Variants in OR51E2 observed in about 807,000 individuals in gnomAD.
The protein encoded by OR51E2 is olfactory receptor family 51 subfamily E member 2, also known as olfactory receptor 51E2.
A neutral mutation model predicts 13.7 loss-of-function variants in OR51E2; 14 were observed. That is an observed-to-expected ratio of 1.02 (90% CI 0.68 to 1.60). The LOEUF (loss-of-function observed/expected upper bound fraction) is 1.60, where lower values mean the gene tolerates loss of function less well. Among genes scored for constraint, OR51E2 ranks in the 40% most tolerant of loss-of-function variants. The pLI is 0.00. For missense variants in OR51E2, 483 were observed against 413.8 expected (o/e 1.17, Z -1.45); for synonymous variants, 180 against 157.6 (o/e 1.14, Z -1.07).
chr11:4,691,323 G>T (rs1396643299), intron 1 of OR51E2: 1 of 457,528 alleles, frequency 2.2e-6, no homozygotes, highest in Non-Finnish European at 4.4e-6. Flanking sequence ...ATTAGAGACG[G>T]CCACAAAACG....
chr11:4,694,109 C>T (rs1319055073), intron 1 of OR51E2, among the ~76,000 whole-genome samples: 33 of 152,172 alleles, frequency 2.2e-4, no homozygotes, highest in Admixed American at 2.1e-3. Flanking sequence ...AATTAAATTG[C>T]TATTTGAATA....
chr11:4,684,734 G>A (rs774298333), intron 1 of OR51E2, among the ~76,000 whole-genome samples: 6 of 152,012 alleles, frequency 3.9e-5, no homozygotes, highest in Non-Finnish European at 7.4e-5. Flanking sequence ...AGGACTTTAG[G>A]CTATCATCTC....
chr11:4,693,449 C>T (rs371383010), intron 1 of OR51E2, among the ~76,000 whole-genome samples: 7 of 152,262 alleles, frequency 4.6e-5, no homozygotes, highest in East Asian at 3.9e-4. Context: ...AGGCTGGGCG[C>T]GGTGGCTCAC....
rs1339130264 is a variant in OR51E2, at chr11:4,680,911, T to C, written c.*838A>G. On this transcript the variant is annotated 3_prime_UTR_variant, in exon 2 of 2. Coordinates refer to ENST00000396950, the MANE Select transcript of OR51E2 (RefSeq NM_030774.4). ...TGCTTTGAGACAGGGTCTTGCTCTG[T>C]TGCCCAGGCTGGAGTGTAGTGGTAC... 1 of 152,246 alleles carries C rather than the reference T, an allele frequency of 6.6e-6. No homozygotes were observed. The highest frequency in any genetic ancestry group is 1.5e-5 in the Non-Finnish European group (1 of 68,058). 9.4% of individuals were successfully genotyped at this position (152,246 alleles called of 1,614,324 possible).
intron 1 of OR51E2, among the ~76,000 whole-genome samples, chr11:4,688,448 A>G (rs896058818): frequency 4.6e-5 from 7 of 152,204 alleles, no homozygotes; most frequent in African/African-American, 1.4e-4. Flanking sequence ...TGTGGGTGAC[A>G]TAGAGTGAAT....
intron 1 of OR51E2, chr11:4,692,275 A>G: frequency 2.8e-6 from 1 of 354,872 alleles, no homozygotes; most frequent in Non-Finnish European, 5.6e-6. Flanking sequence ...AAATGGCTTC[A>G]GCATCTAACC....
At chr11:4,684,722 ATAGGACTT>A (rs1564885873) in intron 1 of OR51E2, among the ~76,000 whole-genome samples, 1 of 152,128 alleles carries the variant, frequency 6.6e-6, no homozygotes, top group African/African-American at 2.4e-5. Flanking sequence ...TTACTCGAGT[ATAGGACTT>A]TAGGCTATCA....
chr11:4,689,455 G>T (rs1310693170), intron 1 of OR51E2, among the ~76,000 whole-genome samples: 1 of 152,152 alleles, frequency 6.6e-6, no homozygotes, highest in Non-Finnish European at 1.5e-5. Context: ...CTGTAATAAG[G>T]TGCAGTTGGC....
At chr11:4,691,000 C>T (rs1301848371) in intron 1 of OR51E2, 2 of 455,142 alleles carry the variant, frequency 4.4e-6, no homozygotes, top group South Asian at 1.6e-5. Flanking sequence ...TCCTTCCTCT[C>T]TTCTGGGGAA....
rs763636110 is a variant in OR51E2, at chr11:4,680,442, G to A, written c.*1307C>T. On this transcript the variant is annotated 3_prime_UTR_variant, in exon 2 of 2. Coordinates refer to ENST00000396950, the MANE Select transcript of OR51E2 (RefSeq NM_030774.4). ...CTCTCATCACAAGTACAAAGCCATT[G>A]ATGTTAGTGTGTAACAGAGAGAAAA... 3.9e-5 allele frequency: 6 copies of A among 152,668 alleles called. No individual in the cohort carries two copies. Among genetic ancestry groups the A allele is most frequent in the Admixed American group, 1.3e-4 (2 of 15,284 alleles). The allele number at this position is 152,668 out of a possible 1,614,324, so 9.5% of individuals were successfully genotyped here. A position where few individuals can be genotyped will look rare whatever the true frequency, so the allele number is the denominator to read the frequency against.
chr11:4,686,560 G>A (rs57317183), intron 1 of OR51E2, among the ~76,000 whole-genome samples: 1 of 152,308 alleles, frequency 6.6e-6, no homozygotes, highest in East Asian at 1.9e-4. Context: ...TGAGGAGGAC[G>A]AAGTGGAAGT....
intron 1 of OR51E2, among the ~76,000 whole-genome samples, chr11:4,693,938 T>C (rs954599411): frequency 3.3e-5 from 5 of 152,132 alleles, no homozygotes; most frequent in African/African-American, 1.2e-4. Context: ...AATTTCAATA[T>C]CTCATATACA....
In OR51E2 at chr11:4,681,337, C is replaced by T. The variant is rs12573934; in HGVS notation, c.*412G>A. On this transcript the variant is annotated 3_prime_UTR_variant, in exon 2 of 2. Transcript: ENST00000396950. ...ACTGCACTCCAGCCTGGTGACAGAG[C>T]GAGACCCCATCTCAAAAAAAAAAAA... The T allele has an allele frequency of 0.052, 9,842 of 190,160 alleles. 491 individuals carry two copies. The highest frequency in any genetic ancestry group is 0.18 in the East Asian group (1,303 of 7,330). The allele number at this position is 190,160 out of a possible 1,614,324, so 11.8% of individuals were successfully genotyped here.
intron 1 of OR51E2, among the ~76,000 whole-genome samples, chr11:4,694,235 T>C (rs1183930467): frequency 3.3e-5 from 5 of 151,906 alleles, no homozygotes; most frequent in Non-Finnish European, 7.4e-5. Context: ...CAAGAGATCA[T>C]AAACAAAACA....
In OR51E2 at chr11:4,681,828, G is replaced by C; in HGVS notation, c.884C>G (p.Thr295Ser). ...VINPIIYGAK[T>S]KQIRTRVLAM... ...CAGCACCCGTGTTCTGATCTGTTTG[G>C]TTTTGGCACCATAGATGATGGGATT... Residue 295 changes from threonine (T) to serine (S), a missense_variant, in exon 2 of 2, where the codon ACC (threonine) becomes AGC (serine). Thr to Ser is a moderately conservative substitution (Grantham distance 58). Transcript: ENST00000396950. 1.2e-6 allele frequency: 2 copies of C among 1,614,186 alleles called. No individual in the cohort carries two copies. Among genetic ancestry groups the C allele is most frequent in the Non-Finnish European group, 1.7e-6 (2 of 1,180,038 alleles).
At chr11:4,684,621 A>C (rs1395261329) in intron 1 of OR51E2, among the ~76,000 whole-genome samples, 2 of 152,184 alleles carry the variant, frequency 1.3e-5, no homozygotes, top group African/African-American at 4.8e-5. Flanking sequence ...CTGACAGATA[A>C]CAAGAGTCTT....
At chr11:4,687,425 A>G (rs1589873198) in intron 1 of OR51E2, among the ~76,000 whole-genome samples, 1 of 152,176 alleles carries the variant, frequency 6.6e-6, no homozygotes, top group African/African-American at 2.4e-5. Flanking sequence ...ATCAGGGTAT[A>G]CTAGGTCATA....
intron 1 of OR51E2, among the ~76,000 whole-genome samples, chr11:4,693,297 C>T (rs1278131385): frequency 6.6e-6 from 1 of 152,082 alleles, no homozygotes; most frequent in African/African-American, 2.4e-5. Flanking sequence ...AAGGAATTAC[C>T]AGAAAGAGAG....
intron 1 of OR51E2, among the ~76,000 whole-genome samples, chr11:4,693,001 C>T (rs1847605529): frequency 6.6e-6 from 1 of 151,784 alleles, no homozygotes; most frequent in East Asian, 1.9e-4. Flanking sequence ...TGTCCTCAGG[C>T]GAGTGATGAA....
Sources: allele counts gnomAD v4.1 joint callset (sites outside exome capture counted in the v4.1 genomes callset), GRCh38; gene constraint gnomAD v4.1.1; transcripts MANE v1.5; gene names NCBI Gene and HGNC (gene_info 2026-07-23, HGNC 2026-07-21).